PTPN3: variants seen among roughly 807,000 people sequenced by gnomAD.
The protein encoded by PTPN3 is protein tyrosine phosphatase non-receptor type 3, also known as tyrosine-protein phosphatase non-receptor type 3.
PTPN3 carries 96 observed loss-of-function variants against 132.7 expected under a neutral mutation model. The observed-to-expected ratio is 0.72, with a 90% confidence interval of 0.61 to 0.86. The LOEUF is 0.86. PTPN3 is among the 40% of genes least tolerant of loss of function. PTPN3 has a pLI of 0.00. For synonymous variants in PTPN3, 398 were observed against 429.0 expected (o/e 0.93, Z 0.89); for missense variants, 1,125 against 1,159.6 (o/e 0.97, Z 0.43).
the PTPN3 span, among the ~76,000 whole-genome samples, chr9:109,508,843 A>G: frequency 1.3e-5 from 1 of 79,286 alleles, no homozygotes; most frequent in South Asian, 7.0e-4. Context: ...GTAACAAGTA[A>G]GTCAGGATGT....
chr9:109,452,309 A>ACTTCAGAG (rs1054135766), intron 5 of PTPN3, among the ~76,000 whole-genome samples: 42 of 151,500 alleles, frequency 2.8e-4, no homozygotes, highest in African/African-American at 9.4e-4. Context: ...AGAATAGAAA[A>ACTTCAGAG]CTTCAGAGTA....
intron 14 of PTPN3, 89 bp downstream of exon 14, chr9:109,420,335 G>T: frequency 2.2e-6 from 3 of 1,373,072 alleles, no homozygotes; most frequent in Non-Finnish European, 2.0e-6. Flanking sequence ...CCAGCTCTTG[G>T]TTCCTCTCAA....
At chr9:109,481,080 GC>G (rs1846937871) in intron 1 of PTPN3, among the ~76,000 whole-genome samples, 1 of 152,086 alleles carries the variant, frequency 6.6e-6, no homozygotes, top group Non-Finnish European at 1.5e-5. Context: ...ATCAACAACG[GC>G]ATTTACACAC....
intron 6 of PTPN3, among the ~76,000 whole-genome samples, chr9:109,447,025 C>T (rs1404342034): frequency 6.6e-6 from 1 of 152,182 alleles, no homozygotes; most frequent in Non-Finnish European, 1.5e-5. Flanking sequence ...GTTACAAATA[C>T]ACAAATCCAC....
chr9:109,454,125 T>G (rs1845434907), intron 5 of PTPN3, among the ~76,000 whole-genome samples: 1 of 151,248 alleles, frequency 6.6e-6, no homozygotes, highest in African/African-American at 2.4e-5. Context: ...TGGATGACTA[T>G]TTTACAAATT....
chr9:109,472,105 CTA>C (rs1846412876), intron 1 of PTPN3, among the ~76,000 whole-genome samples: 1 of 152,200 alleles, frequency 6.6e-6, no homozygotes. Flanking sequence ...ATTTTCCAGT[CTA>C]TATGTCAGTG....
At chr9:109,517,157 A>G in the PTPN3 span, among the ~76,000 whole-genome samples, 2 of 152,148 alleles carry the variant, frequency 1.3e-5, no homozygotes, top group East Asian at 3.9e-4. Context: ...CATGTTGAGG[A>G]TGATCTTTGG....
intron 21 of PTPN3, among the ~76,000 whole-genome samples, chr9:109,390,473 ATAGCAT>A (rs1449889977): frequency 2.6e-5 from 4 of 152,210 alleles, no homozygotes; most frequent in African/African-American, 4.8e-5. Flanking sequence ...CCAGGTTCAG[ATAGCAT>A]TAGGAGATAT....
intron 25 of PTPN3, among the ~76,000 whole-genome samples, chr9:109,381,439 C>T (rs1471935557): frequency 1.3e-5 from 2 of 152,214 alleles, no homozygotes; most frequent in Non-Finnish European, 2.9e-5. Context: ...TGCTCCCTGA[C>T]AGACGGGCTG....
chr9:109,506,924 T>C, the PTPN3 span, among the ~76,000 whole-genome samples: 1 of 152,206 alleles, frequency 6.6e-6, no homozygotes. Context: ...CCATGTGATG[T>C]ATAACCTATT....
chr9:109,432,644 G>GTACAC (rs1432831016), intron 10 of PTPN3, among the ~76,000 whole-genome samples: 1 of 152,156 alleles, frequency 6.6e-6, no homozygotes, highest in Non-Finnish European at 1.5e-5. Context: ...GCACTCAGTT[G>GTACAC]TACACGTCTT....
In PTPN3 at chr9:109,378,489, T is replaced by C. The variant is rs1838754892; in HGVS notation, c.*1067A>G. ...TGTTCTTCCATACAGAGACTCATTCTTTATATATACTCAACGGTAATTTGA... is the reference window on the plus strand; with the variant it reads ...TGTTCTTCCATACAGAGACTCATTCCTTATATATACTCAACGGTAATTTGA... On this transcript the variant is annotated 3_prime_UTR_variant, in exon 26 of 26. Coordinates refer to ENST00000374541, the MANE Select transcript of PTPN3 (RefSeq NM_002829.4). The C allele has an allele frequency of 6.6e-6, 1 of 152,646 alleles. No homozygotes were observed. Among genetic ancestry groups the C allele is most frequent in the South Asian group, 2.1e-4 (1 of 4,828 alleles). The allele number at this position is 152,646 out of a possible 1,614,324, so 9.5% of individuals were successfully genotyped here.
intron 1 of PTPN3, among the ~76,000 whole-genome samples, chr9:109,492,633 T>C (rs538385484): frequency 4.6e-5 from 7 of 152,364 alleles, no homozygotes; most frequent in East Asian, 1.9e-4. Flanking sequence ...AAGTTGATTA[T>C]ACAATTTGGG....
intron 16 of PTPN3, among the ~76,000 whole-genome samples, chr9:109,408,753 G>A (rs1841779397): frequency 1.5e-5 from 2 of 137,400 alleles, no homozygotes; most frequent in African/African-American, 2.8e-5. Flanking sequence ...TGCACGTTGT[G>A]CACATGTACC....
chr9:109,493,594 C>T (rs775933987), intron 1 of PTPN3, among the ~76,000 whole-genome samples: 1 of 152,234 alleles, frequency 6.6e-6, no homozygotes, highest in African/African-American at 2.4e-5. Context: ...AAATTCCACT[C>T]TCTCAGTATC....
chr9:109,407,682 T>C (rs1341399766), intron 17 of PTPN3, among the ~76,000 whole-genome samples: 3 of 152,024 alleles, frequency 2.0e-5, no homozygotes, highest in African/African-American at 7.2e-5. Context: ...GTAGCTGGGA[T>C]CACACCTGTG....
At position 109,406,387 on chromosome 9, in the gene PTPN3, C is replaced by T. The variant is rs56298332; in HGVS notation, c.1792+75G>A. 6,258 of 1,466,674 alleles carry T rather than the reference C, an allele frequency of 4.3e-3. 25 individuals carry two copies. The highest frequency in any genetic ancestry group is 5.0e-3 in the Non-Finnish European group (5,361 of 1,081,538). The allele number at this position is 1,466,674 out of a possible 1,614,324, so 90.9% of individuals were successfully genotyped here. Reference sequence around the variant, plus strand: ...GCTACAAACTCAACATTTTCAAGAGCAGATAAAGGGCTGGAGCAGGCGCAG... The same window carrying T: ...GCTACAAACTCAACATTTTCAAGAGTAGATAAAGGGCTGGAGCAGGCGCAG... On this transcript the variant is annotated intron_variant, in intron 18 of 25. Coordinates refer to ENST00000374541, the MANE Select transcript of PTPN3 (RefSeq NM_002829.4).
the PTPN3 span, among the ~76,000 whole-genome samples, chr9:109,536,056 C>T: frequency 9.9e-4 from 151 of 152,294 alleles, 1 homozygote; most frequent in Admixed American, 3.9e-3. Flanking sequence ...AACCACCAAT[C>T]TGCTTTCTGT....
intron 18 of PTPN3, 96 bp downstream of exon 18, chr9:109,406,366 C>A: frequency 3.6e-6 from 5 of 1,393,742 alleles, no homozygotes; most frequent in Non-Finnish European, 4.9e-6. Context: ...ATGTTGGCTA[C>A]AAACTCAACA....
Sources: gnomAD v4.1 joint callset for allele counts (sites outside exome capture counted in the v4.1 genomes callset) on GRCh38, gnomAD v4.1.1 for gene constraint, MANE v1.5 for transcripts, NCBI Gene and HGNC (gene_info 2026-07-23, HGNC 2026-07-21) for gene names.